Variants in KCNQ4 observed in about 807,000 individuals in gnomAD.
KCNQ4 encodes the protein potassium voltage-gated channel subfamily KQT member 4.
In KCNQ4, 31 loss-of-function variants were observed where a neutral mutation model predicts 72.6. The observed-to-expected ratio is 0.43, with a 90% CI of 0.32 to 0.58. The LOEUF (loss-of-function observed/expected upper bound fraction) is 0.58, where lower values mean the gene tolerates loss of function less well. KCNQ4 is among the 20% of genes least tolerant of loss of function. The pLI is 0.08. For synonymous variants in KCNQ4, 405 were observed against 403.7 expected, an observed-to-expected ratio of 1.00 and a Z score of -0.04; for missense variants, 869 against 962.6, an observed-to-expected ratio of 0.90 and a Z score of 1.29.
In KCNQ4 at chr1:40,819,487, T is replaced by C. The variant is rs577330883; in HGVS notation, c.834+15T>C. On this transcript the variant is annotated intron_variant, in intron 5 of 13. Transcript: ENST00000347132. ...GGTGGGGGACGGTGCGTGAGGGTCT[T>C]TGTAGGGCTGCCCTTCTCCCTGGGA... is the stretch of plus-strand genomic sequence containing the variant. 1.4e-5 allele frequency: 22 copies of C among 1,613,534 alleles called. No individual in the cohort carries two copies. In the South Asian group the frequency reaches 2.4e-4, roughly 18 times the overall value.
chr1:40,788,112 C>T lies in KCNQ4; in HGVS notation c.314+3705C>T, dbSNP rs1012682760. Among the ~76,000 whole-genome samples, 7 of 152,180 alleles carry T rather than the reference C, an allele frequency of 4.6e-5. No homozygotes were observed. The highest frequency in any genetic ancestry group is 8.8e-5 in the Non-Finnish European group (6 of 68,022). On this transcript the variant is annotated intron_variant, in intron 1 of 13. Coordinates refer to ENST00000347132, the MANE Select transcript of KCNQ4 (RefSeq NM_004700.4). This position sits in a 1 kb window ranked among gnomAD's most constrained non-coding sequence, Gnocchi z 4.5. Reference sequence around the variant, plus strand: ...GACTCCTAACCCCCGAGCCCCCGACCTCCCACCCCGGCCATCTGAGAAAGA... The same window carrying T: ...GACTCCTAACCCCCGAGCCCCCGACTTCCCACCCCGGCCATCTGAGAAAGA...
chr1:40,831,013 C>T, intron 9 of KCNQ4, 71 bp from the exon 10 acceptor site: 1 of 1,356,706 alleles, frequency 7.4e-7, no homozygotes, highest in Non-Finnish European at 1.0e-6. Context: ...CCTAAGTCAG[C>T]TTTGTCCCCA....
intron 1 of KCNQ4, among the ~76,000 whole-genome samples, chr1:40,811,441 A>T (rs1385288935): frequency 2.6e-5 from 4 of 152,160 alleles, no homozygotes; most frequent in Admixed American, 1.3e-4. Context: ...ATCACCAGGG[A>T]CCTTTGTAGA....
rs1648531342 is a variant in KCNQ4 at position 40,827,886 on chromosome 1, A to G, written c.1293-3198A>G. ...TGGCCTTATTTGATTTGGTATGTTCAGCAGTTAAGATCTTATTTACCTTAA... is the reference window on the plus strand; with the variant it reads ...TGGCCTTATTTGATTTGGTATGTTCGGCAGTTAAGATCTTATTTACCTTAA... On this transcript the variant is annotated intron_variant, in intron 9 of 13. Transcript: ENST00000347132. Among the ~76,000 whole-genome samples, 3 of 150,518 alleles carry G rather than the reference A, an allele frequency of 2.0e-5. No individual in the cohort carries two copies. The South Asian group carries it at 6.5e-4, about 33-fold the overall frequency.
At chr1:40,829,824 G>A (rs1648584394) in intron 9 of KCNQ4, among the ~76,000 whole-genome samples, 1 of 152,142 alleles carries the variant, frequency 6.6e-6, no homozygotes, top group African/African-American at 2.4e-5. Context: ...ACCACAGCAG[G>A]GGAGGCAGCG....
chr1:40,837,377 G>A (rs1320877723), intron 12 of KCNQ4, among the ~76,000 whole-genome samples: 3 of 152,204 alleles, frequency 2.0e-5, no homozygotes, highest in Non-Finnish European at 2.9e-5. Flanking sequence ...ATAGGCATGC[G>A]CCACTGCGCT....
At position 40,788,976 on chromosome 1, in the gene KCNQ4, A is replaced by G. The variant is rs531667399; in HGVS notation, c.314+4569A>G. Among the ~76,000 whole-genome samples, 1 of 152,206 alleles carries G rather than the reference A, an allele frequency of 6.6e-6. No homozygotes were observed. Among genetic ancestry groups the G allele is most frequent in the Admixed American group, 6.5e-5 (1 of 15,292 alleles). On this transcript the variant is annotated intron_variant, in intron 1 of 13. Transcript: ENST00000347132. This position sits in a 1 kb window ranked among gnomAD's most constrained non-coding sequence, Gnocchi z 4.5. ...CTACCTTTTCCCTGACTTCACAGAC[A>G]CTCACCATGGACACACACCCGGGCC...
intron 1 of KCNQ4, among the ~76,000 whole-genome samples, chr1:40,815,238 C>CAA (rs59957166): frequency 0.1 from 13,222 of 128,670 alleles, 708 homozygotes; most frequent in East Asian, 0.25. Flanking sequence ...GACTCCATCT[C>CAA]AAAAAAAAAA....
intron 5 of KCNQ4, 126 bp downstream of exon 5, chr1:40,819,598 T>TGGTCTCAGGG: frequency 7.5e-7 from 1 of 1,333,746 alleles, no homozygotes; most frequent in Non-Finnish European, 1.1e-6. Flanking sequence ...TCACTAGAGC[T>TGGTCTCAGGG]GGGACCCCCC....
intron 12 of KCNQ4, 27 bp downstream of exon 12, chr1:40,835,125 CA>C: frequency 1.2e-6 from 2 of 1,608,418 alleles, no homozygotes; most frequent in South Asian, 1.1e-5. Flanking sequence ...TGTTGGGAGG[CA>C]GGGGCAGGGA....
intron 1 of KCNQ4, among the ~76,000 whole-genome samples, chr1:40,814,529 C>A (rs1648027376): frequency 6.6e-6 from 1 of 151,968 alleles, no homozygotes; most frequent in African/African-American, 2.4e-5. Context: ...CATAGTTCAA[C>A]CCCATCTCTA....
At chr1:40,800,666 C>T (rs1465863267) in intron 1 of KCNQ4, among the ~76,000 whole-genome samples, 1 of 152,234 alleles carries the variant, frequency 6.6e-6, no homozygotes, top group Non-Finnish European at 1.5e-5. Flanking sequence ...TTTCTGTTCA[C>T]TCCCCAGATA....
rs995091255 is a variant in KCNQ4 at position 40,838,778 on chromosome 1, C to T, written c.*255C>T. On this transcript the variant is annotated 3_prime_UTR_variant, in exon 14 of 14. Coordinates refer to ENST00000347132, the MANE Select transcript of KCNQ4 (RefSeq NM_004700.4). ...GGCCGTCCCGCGGCCTCTGGGCCCC[C>T]CAGTGCCCTGCCCACTCCATCAAGG... The T allele has an allele frequency of 1.7e-6, 1 of 575,260 alleles. No homozygotes were observed. Among genetic ancestry groups the T allele is most frequent in the Non-Finnish European group, 3.1e-6 (1 of 319,620 alleles). 35.6% of individuals were successfully genotyped at this position (575,260 alleles called of 1,614,324 possible).
At chr1:40,812,187 T>C (rs1281931676) in intron 1 of KCNQ4, among the ~76,000 whole-genome samples, 1 of 152,232 alleles carries the variant, frequency 6.6e-6, no homozygotes, top group Non-Finnish European at 1.5e-5. Flanking sequence ...CCTGAACAAG[T>C]CTATCCCTCC....
rs1056186084 is a variant in KCNQ4, at chr1:40,827,177, C to G, written c.1292+2919C>G. ...AGCTCTTTTAGCGGCATCTCCATGG[C>G]ATTCCTTGGTACCTGCCCTGTGCCA... On this transcript the variant is annotated intron_variant, in intron 9 of 13. Coordinates refer to ENST00000347132, the MANE Select transcript of KCNQ4 (RefSeq NM_004700.4). 3.6e-4 allele frequency among the ~76,000 whole-genome samples: 55 copies of G among 152,218 alleles called. 1 individual carries two copies. Among genetic ancestry groups the G allele is most frequent in the Non-Finnish European group, 8.8e-5 (6 of 68,042 alleles).
intron 12 of KCNQ4, among the ~76,000 whole-genome samples, chr1:40,837,451 G>A (rs185226499): frequency 1.3e-4 from 20 of 152,288 alleles, no homozygotes; most frequent in African/African-American, 4.6e-4. Context: ...TGTCAGGTTC[G>A]TGTGTGGTGC....
At chr1:40,833,449 A>G (rs1648717374) in intron 11 of KCNQ4, among the ~76,000 whole-genome samples, 1 of 152,098 alleles carries the variant, frequency 6.6e-6, no homozygotes, top group African/African-American at 2.4e-5. Context: ...CTTGGTCAAA[A>G]AAGTTTGAAA....
chr1:40,788,309 G>A lies in KCNQ4; in HGVS notation c.314+3902G>A, dbSNP rs1221992763. ...GAGTAGCAGATACAGCGGACTCTGT[G>A]CAGAGACCTCAGCTGGGCTAGGCCA... On this transcript the variant is annotated intron_variant, in intron 1 of 13. Transcript: ENST00000347132. The surrounding 1 kb of genome is among the most constrained non-coding windows in gnomAD (Gnocchi z 4.5). Among the ~76,000 whole-genome samples, 2 of 152,200 alleles carry A rather than the reference G, an allele frequency of 1.3e-5. No homozygotes were observed. The highest frequency in any genetic ancestry group is 2.9e-5 in the Non-Finnish European group (2 of 68,046).
chr1:40,824,246 GC>G lies in KCNQ4; in HGVS notation c.1283del (p.Pro428LeufsTer68). On this transcript the variant is annotated frameshift_variant, in exon 9 of 14. Coordinates refer to ENST00000347132, the MANE Select transcript of KCNQ4 (RefSeq NM_004700.4). LOFTEE classifies it high-confidence loss of function. The part of the protein sequence containing the change: ...TCHRPGSTSF[C>X]PGESSRMGIK... ...CACCGGCCGGGCAGCACCTCCTTCT[GC>G]CCTGGGGAAAGGTAGGGGCCCCGTG... 1 of 1,608,566 alleles carries G rather than the reference GC, an allele frequency of 6.2e-7. No homozygotes were observed. Among genetic ancestry groups the G allele is most frequent in the Non-Finnish European group, 8.5e-7 (1 of 1,178,424 alleles).
Sources: gnomAD v4.1 joint callset for allele counts (sites outside exome capture counted in the v4.1 genomes callset) on GRCh38, gnomAD v4.1.1 for gene constraint, Gnocchi (gnomAD v3.1) non-coding constraint, MANE v1.5 for transcripts, NCBI Gene and HGNC (gene_info 2026-07-23, HGNC 2026-07-21) for gene names.